PDE4B: variants seen among roughly 807,000 people sequenced by gnomAD.
The protein encoded by PDE4B is phosphodiesterase 4B, also known as 3',5'-cyclic-AMP phosphodiesterase 4B.
In PDE4B, 20 loss-of-function variants were observed where a neutral mutation model predicts 82.2. The ratio of observed to expected loss-of-function variants is 0.24; its 90% confidence interval spans 0.17 to 0.35. The LOEUF (loss-of-function observed/expected upper bound fraction) is 0.35. Ranked by LOEUF, PDE4B falls within the 10% of genes least tolerant of loss-of-function variation. The pLI is 1.00. For missense variants in PDE4B, 655 were observed against 907.2 expected (o/e 0.72, Z 3.57); for synonymous variants, 320 against 318.9 (o/e 1.00, Z -0.04).
intron 3 of PDE4B, among the ~76,000 whole-genome samples, chr1:66,117,459 T>A (rs1645618372): frequency 6.6e-6 from 1 of 152,182 alleles, no homozygotes; most frequent in South Asian, 2.1e-4. Flanking sequence ...AGAAATTATC[T>A]GGGAAGGTAA....
chr1:66,167,066 A>G (rs1395642120), intron 3 of PDE4B, among the ~76,000 whole-genome samples: 4 of 152,202 alleles, frequency 2.6e-5, no homozygotes, highest in Admixed American at 6.5e-5. Flanking sequence ...TGCTGGAGAG[A>G]ATGTAGGGAA....
At chr1:65,895,510 G>A (rs985896877) in intron 1 of PDE4B, among the ~76,000 whole-genome samples, 4 of 141,204 alleles carry the variant, frequency 2.8e-5, no homozygotes, top group Non-Finnish European at 4.5e-5. Context: ...AGATCACGCC[G>A]CTGCACTCTA....
chr1:66,106,581 G>C (rs1184791308), intron 3 of PDE4B, among the ~76,000 whole-genome samples: 1 of 150,766 alleles, frequency 6.6e-6, no homozygotes, highest in Non-Finnish European at 1.5e-5. Context: ...ACTCTTTTTG[G>C]TTGGTAAGCT....
intron 3 of PDE4B, among the ~76,000 whole-genome samples, chr1:65,958,426 TA>T (rs757235399): frequency 1.4e-4 from 22 of 152,078 alleles, no homozygotes; most frequent in East Asian, 3.8e-4. Flanking sequence ...AGTTGACTGA[TA>T]TTTTTTTCCC....
At chr1:66,339,842 T>G (rs887354912) in intron 8 of PDE4B, among the ~76,000 whole-genome samples, 60 of 90,212 alleles carry the variant, frequency 6.7e-4, no homozygotes, top group South Asian at 1.4e-3. Flanking sequence ...TTGTTTGTTT[T>G]TTTTGTTGTT....
intron 3 of PDE4B, among the ~76,000 whole-genome samples, chr1:66,147,403 G>T (rs1191189551): frequency 6.6e-6 from 1 of 152,146 alleles, no homozygotes; most frequent in Non-Finnish European, 1.5e-5. Flanking sequence ...TTAGCTGATG[G>T]CAGGATTGGG....
chr1:66,296,733 T>C (rs1038428046), intron 7 of PDE4B, among the ~76,000 whole-genome samples: 2 of 152,170 alleles, frequency 1.3e-5, no homozygotes, highest in Non-Finnish European at 2.9e-5. Context: ...ATTTGTTGAA[T>C]CAATGAATAT....
Position 66,302,533 on chromosome 1 carries a change from C to T in PDE4B, c.635-29975C>T, listed in dbSNP as rs1189437790. ...TGGTGGCTGGAATTAGAATAGTAAT[C>T]TCTTGTGTTTTAGAGGTTACAAAGC... On this transcript the variant is annotated intron_variant, in intron 7 of 16. Coordinates refer to ENST00000341517, the MANE Select transcript of PDE4B (RefSeq NM_002600.4). Among the ~76,000 whole-genome samples, 6 of 152,094 alleles carry T rather than the reference C, an allele frequency of 3.9e-5. No individual in the cohort carries two copies. The East Asian group carries it at 1.2e-3, about 29-fold the overall frequency.
intron 3 of PDE4B, among the ~76,000 whole-genome samples, chr1:66,211,074 G>A (rs989386873): frequency 8.5e-5 from 13 of 152,288 alleles, no homozygotes; most frequent in African/African-American, 2.9e-4. Flanking sequence ...TGATGACAGA[G>A]CACAGCAGGG....
rs565765579 is a variant in PDE4B, at chr1:66,170,874, G to A, written c.282-76586G>A. ...CCCTTTTGTAATATTATAGTACCAG[G>A]TTTACATGTATAACAAAGCAGAGGA... On this transcript the variant is annotated intron_variant, in intron 3 of 16. Transcript: ENST00000341517. Among the ~76,000 whole-genome samples, 3 of 152,218 alleles carry A rather than the reference G, an allele frequency of 2.0e-5. No individual in the cohort carries two copies. In the East Asian group the frequency reaches 5.8e-4, roughly 29 times the overall value.
intron 3 of PDE4B, among the ~76,000 whole-genome samples, chr1:65,926,224 T>C (rs1019010805): frequency 2.0e-5 from 3 of 152,228 alleles, no homozygotes; most frequent in Admixed American, 6.5e-5. Flanking sequence ...ACACTTTGAC[T>C]TGCTATTTCC....
chr1:66,163,767 T>TATTTA (rs1375671260), intron 3 of PDE4B, among the ~76,000 whole-genome samples: 11 of 152,298 alleles, frequency 7.2e-5, no homozygotes, highest in Admixed American at 2.0e-4. Flanking sequence ...CCTGTTTAAG[T>TATTTA]ATTTAACAGC....
At chr1:66,094,977 A>G (rs1645087541) in intron 3 of PDE4B, among the ~76,000 whole-genome samples, 1 of 151,946 alleles carries the variant, frequency 6.6e-6, no homozygotes, top group Non-Finnish European at 1.5e-5. Context: ...TGCATACTAG[A>G]CAGTTGGAAG....
At chr1:66,100,038 A>G (rs922674775) in intron 3 of PDE4B, among the ~76,000 whole-genome samples, 1 of 152,006 alleles carries the variant, frequency 6.6e-6, no homozygotes, top group Non-Finnish European at 1.5e-5. Flanking sequence ...TTGTGTCTAT[A>G]TGTATATATA....
chr1:65,975,783 T>C (rs1213576018), intron 3 of PDE4B, among the ~76,000 whole-genome samples: 2 of 152,172 alleles, frequency 1.3e-5, no homozygotes, highest in Non-Finnish European at 2.9e-5. Flanking sequence ...CAAGCCTTGG[T>C]GGCTTCCATC....
chr1:65,872,079 A>G (rs1172978365), intron 1 of PDE4B, among the ~76,000 whole-genome samples: 1 of 152,210 alleles, frequency 6.6e-6, no homozygotes, highest in Non-Finnish European at 1.5e-5. Context: ...AAAAACCTAC[A>G]TAAATTGTGT....
chr1:66,253,694 G>A (rs1017271455), intron 4 of PDE4B, among the ~76,000 whole-genome samples: 1 of 152,174 alleles, frequency 6.6e-6, no homozygotes, highest in African/African-American at 2.4e-5. Context: ...ATTTATAATA[G>A]TTCCATAAAT....
chr1:66,193,267 A>G (rs1172580308), intron 3 of PDE4B, among the ~76,000 whole-genome samples: 2 of 152,224 alleles, frequency 1.3e-5, no homozygotes, highest in African/African-American at 4.8e-5. Flanking sequence ...AATGAAAAAT[A>G]TATTTTATGA....
intron 3 of PDE4B, among the ~76,000 whole-genome samples, chr1:66,036,793 T>C (rs1654089253): frequency 6.6e-6 from 1 of 152,174 alleles, no homozygotes; most frequent in Non-Finnish European, 1.5e-5. Flanking sequence ...TTGGTCAACA[T>C]TGCTTTGGCT....
Sources: allele counts gnomAD v4.1 joint callset (sites outside exome capture counted in the v4.1 genomes callset), GRCh38; gene constraint gnomAD v4.1.1; transcripts MANE v1.5; gene names NCBI Gene and HGNC (gene_info 2026-07-23, HGNC 2026-07-21).